The following PLXDC2 variants were observed in gnomAD, a reference collection of about 807,000 sequenced individuals.
The protein encoded by PLXDC2 is plexin domain containing 2, also known as plexin domain-containing protein 2.
Under a neutral mutation model 68.9 loss-of-function variants are expected in PLXDC2, and 40 were observed. That is an observed-to-expected ratio of 0.58 (90% CI 0.45 to 0.76). PLXDC2 has a LOEUF of 0.76. PLXDC2 is among the 30% of genes least tolerant of loss of function. The pLI, the probability that PLXDC2 is intolerant of heterozygous loss-of-function variation, is 0.00. For missense variants in PLXDC2, 644 were observed against 661.9 expected, an observed-to-expected ratio of 0.97 and a Z score of 0.30; for synonymous variants, 243 against 234.2, an observed-to-expected ratio of 1.04 and a Z score of -0.34.
At chr10:19,994,877 G>T (rs1834816310) in intron 1 of PLXDC2, among the ~76,000 whole-genome samples, 1 of 151,896 alleles carries the variant, frequency 6.6e-6, no homozygotes, top group Non-Finnish European at 1.5e-5. Context: ...CAAGTAGCTG[G>T]GATTACAGGT....
chr10:20,144,733 C>G (rs1364799817), intron 5 of PLXDC2, among the ~76,000 whole-genome samples: 2 of 152,140 alleles, frequency 1.3e-5, no homozygotes, highest in Non-Finnish European at 2.9e-5. Context: ...GGAGTCTATC[C>G]TACGGAAACA....
At chr10:20,020,279 C>G (rs1157569529) in intron 2 of PLXDC2, among the ~76,000 whole-genome samples, 3 of 150,238 alleles carry the variant, frequency 2.0e-5, no homozygotes, top group African/African-American at 4.9e-5. Flanking sequence ...CTCAGCCACC[C>G]AAAGCACCTT....
intron 1 of PLXDC2, among the ~76,000 whole-genome samples, chr10:19,832,781 G>A (rs1209559455): frequency 6.6e-6 from 1 of 152,206 alleles, no homozygotes; most frequent in Non-Finnish European, 1.5e-5. Context: ...GGGAGCCGGG[G>A]AAGAGTCCCG....
At chr10:19,954,552 C>T (rs528198534) in intron 1 of PLXDC2, among the ~76,000 whole-genome samples, 29 of 152,184 alleles carry the variant, frequency 1.9e-4, no homozygotes, top group Admixed American at 3.3e-4. Flanking sequence ...ATGGCATGAG[C>T]GTTAATTTTG....
intron 1 of PLXDC2, among the ~76,000 whole-genome samples, chr10:19,947,707 CT>C (rs34439585): frequency 0.33 from 39,461 of 120,570 alleles, 5,051 homozygotes; most frequent in Middle Eastern, 0.45. Context: ...TTCTTTCTTT[CT>C]TTTTTTTTTT....
chr10:20,134,929 C>T (rs1833915578), intron 4 of PLXDC2, among the ~76,000 whole-genome samples: 1 of 152,154 alleles, frequency 6.6e-6, no homozygotes, highest in African/African-American at 2.4e-5. Context: ...ACTTTACTCA[C>T]CTGGAGGGTA....
intron 4 of PLXDC2, among the ~76,000 whole-genome samples, chr10:20,134,293 T>C (rs1833905873): frequency 6.6e-6 from 1 of 152,236 alleles, no homozygotes; most frequent in African/African-American, 2.4e-5. Flanking sequence ...GTGAGCCTTG[T>C]TACCTTGCAT....
At chr10:20,154,023 T>A (rs1834185045) in intron 6 of PLXDC2, among the ~76,000 whole-genome samples, 1 of 152,130 alleles carries the variant, frequency 6.6e-6, no homozygotes. Flanking sequence ...AATCTATAAT[T>A]TTTTAAATGA....
At chr10:20,100,102 GTCAC>G (rs1323546005) in intron 4 of PLXDC2, among the ~76,000 whole-genome samples, 1 of 152,122 alleles carries the variant, frequency 6.6e-6, no homozygotes, top group African/African-American at 2.4e-5. Flanking sequence ...TGCCCTTCTT[GTCAC>G]TACACAATAA....
chr10:20,044,978 C>T (rs756167482), intron 2 of PLXDC2, among the ~76,000 whole-genome samples: 7 of 152,102 alleles, frequency 4.6e-5, no homozygotes, highest in South Asian at 2.1e-4. Flanking sequence ...CCAAACTATC[C>T]GTGTCATTAT....
chr10:19,999,094 G>A (rs777679474), intron 1 of PLXDC2, among the ~76,000 whole-genome samples: 12 of 152,102 alleles, frequency 7.9e-5, no homozygotes, highest in Non-Finnish European at 1.2e-4. Flanking sequence ...ATAGGAAAGC[G>A]AATTTGAGAA....
intron 4 of PLXDC2, among the ~76,000 whole-genome samples, chr10:20,128,946 G>A (rs1213903963): frequency 6.6e-6 from 1 of 152,146 alleles, no homozygotes; most frequent in Non-Finnish European, 1.5e-5. Context: ...AATGAACATG[G>A]AAGTTCTGCT....
At chr10:19,989,461 A>G (rs979724703) in intron 1 of PLXDC2, among the ~76,000 whole-genome samples, 2 of 152,150 alleles carry the variant, frequency 1.3e-5, no homozygotes, top group Non-Finnish European at 2.9e-5. Context: ...TATATAGCCA[A>G]TAACATGGAA....
At chr10:20,057,247 A>C (rs182230346) in intron 3 of PLXDC2, among the ~76,000 whole-genome samples, 1 of 151,998 alleles carries the variant, frequency 6.6e-6, no homozygotes, top group Non-Finnish European at 1.5e-5. Context: ...ATGGAATATA[A>C]TTTTTTTTAG....
At chr10:20,072,403 G>T (rs1836334999) in intron 4 of PLXDC2, among the ~76,000 whole-genome samples, 1 of 125,548 alleles carries the variant, frequency 8.0e-6, no homozygotes, top group African/African-American at 3.4e-5. Context: ...AAAGAAAGAA[G>T]AAAGAAAGAG....
At chr10:20,017,454 G>A (rs147249980) in intron 2 of PLXDC2, among the ~76,000 whole-genome samples, 4 of 152,226 alleles carry the variant, frequency 2.6e-5, no homozygotes, top group East Asian at 1.9e-4. Context: ...CCTGCGATGC[G>A]ATCAATCTGA....
chr10:19,817,632 C>T (rs898067214), intron 1 of PLXDC2, among the ~76,000 whole-genome samples: 26 of 152,300 alleles, frequency 1.7e-4, no homozygotes, highest in Admixed American at 1.7e-3. Flanking sequence ...GCAGGTCTCC[C>T]CTCTGCACGA....
At chr10:20,047,185 T>C (rs6482079) in intron 3 of PLXDC2, among the ~76,000 whole-genome samples, 170 bp downstream of exon 3, 15,666 of 152,218 alleles carry the variant, frequency 0.1, 1,838 homozygotes, top group African/African-American at 0.29. Context: ...TTTAGATTGA[T>C]TACTGCATAT....
chr10:20,126,048 G>T (rs143162909), intron 4 of PLXDC2, among the ~76,000 whole-genome samples: 1 of 146,844 alleles, frequency 6.8e-6, no homozygotes, highest in African/African-American at 2.5e-5. Flanking sequence ...GTACATTTGC[G>T]TATACATATA....
Sources: gnomAD v4.1 joint callset for allele counts (sites outside exome capture counted in the v4.1 genomes callset) on GRCh38, gnomAD v4.1.1 for gene constraint, MANE v1.5 for transcripts, NCBI Gene and HGNC (gene_info 2026-07-23, HGNC 2026-07-21) for gene names.